VSTM1: variants seen among roughly 807,000 people sequenced by gnomAD.
VSTM1 encodes V-set and transmembrane domain-containing protein 1.
In VSTM1, 27 loss-of-function variants were observed where a neutral mutation model predicts 33.1. That is an observed-to-expected ratio of 0.82 (90% CI 0.60 to 1.12). VSTM1 has a LOEUF of 1.12. Ranked by LOEUF, VSTM1 falls within the 50% of genes most tolerant of loss-of-function variation. The pLI, the probability that VSTM1 is intolerant of heterozygous loss-of-function variation, is 0.00. For missense variants in VSTM1, 304 were observed against 288.9 expected, an observed-to-expected ratio of 1.05 and a Z score of -0.38; for synonymous variants, 115 against 110.3, an observed-to-expected ratio of 1.04 and a Z score of -0.27.
At chr19:54,046,607 C>G (rs2070605051) in intron 4 of VSTM1, among the ~76,000 whole-genome samples, 1 of 151,994 alleles carries the variant, frequency 6.6e-6, no homozygotes, top group South Asian at 2.1e-4. Flanking sequence ...CCCCAGATCC[C>G]TTTCCCATTT....
rs985866792 is a variant in VSTM1, at chr19:54,056,517, G to A, written c.355+1789C>T. Among the ~76,000 whole-genome samples, 4 of 138,944 alleles carry A rather than the reference G, an allele frequency of 2.9e-5. 1 individual carries two copies. The highest frequency in any genetic ancestry group is 1.5e-4 in the Admixed American group (2 of 13,400). The allele number at this position is 138,944 out of a possible 152,430, so 91.2% of individuals were successfully genotyped here. A position where few individuals can be genotyped will look rare whatever the true frequency, so the allele number is the denominator to read the frequency against. ...ATTACAGGCATGAACCACCACACCT[G>A]GCCAACTCTAATCTTGTTCTCCCCA... On this transcript the variant is annotated intron_variant, in intron 3 of 8. Transcript: ENST00000338372.
intron 8 of VSTM1, among the ~76,000 whole-genome samples, chr19:54,041,451 A>G (rs1006682351): frequency 1.3e-5 from 2 of 151,892 alleles, no homozygotes; most frequent in Non-Finnish European, 2.9e-5. Context: ...ACAGGCGCCC[A>G]CTACCACGCC....
At chr19:54,063,058 C>A (rs922830635) in intron 1 of VSTM1, among the ~76,000 whole-genome samples, 3 of 152,172 alleles carry the variant, frequency 2.0e-5, no homozygotes, top group Non-Finnish European at 4.4e-5. Flanking sequence ...CTTCTTGGGG[C>A]CAGGTGTGGT....
At chr19:54,063,076 G>A (rs1300243544) in intron 1 of VSTM1, among the ~76,000 whole-genome samples, 2 of 152,178 alleles carry the variant, frequency 1.3e-5, no homozygotes, top group African/African-American at 4.8e-5. Flanking sequence ...GGTGGCTCAC[G>A]CCTGTAATCC....
rs10693760 is a variant in VSTM1 at position 54,061,016 on chromosome 19, CTTTT to C, written c.35-2288_35-2285del. Among the ~76,000 whole-genome samples the C allele has an allele frequency of 3.1e-4, 36 of 115,044 alleles. 1 individual carries two copies. The highest frequency in any genetic ancestry group is 1.2e-3 in the East Asian group (5 of 4,110). The allele number at this position is 115,044 out of a possible 152,430, so 75.5% of individuals were successfully genotyped here. On this transcript the variant is annotated intron_variant, in intron 1 of 8. Coordinates refer to ENST00000338372, the MANE Select transcript of VSTM1 (RefSeq NM_198481.4). ...CCAATTCCCATATTCTTTTTCTTTTCTTTTTTTTTTTTTTTTTTTGACATGGAGT... is the reference window on the plus strand; with the variant it reads ...CCAATTCCCATATTCTTTTTCTTTTCTTTTTTTTTTTTTTTGACATGGAGT...
At chr19:54,044,553 A>G (rs1568454905) in intron 4 of VSTM1, among the ~76,000 whole-genome samples, 1 of 152,166 alleles carries the variant, frequency 6.6e-6, no homozygotes, top group Non-Finnish European at 1.5e-5. Flanking sequence ...CAAGACTCCA[A>G]CTCAAAAAAG....
At chr19:54,041,658 G>T in intron 8 of VSTM1, 121 bp downstream of exon 8, 1 of 1,154,940 alleles carries the variant, frequency 8.7e-7, no homozygotes. Flanking sequence ...TTCGTGACTT[G>T]TCTAAGACCA....
intron 4 of VSTM1, among the ~76,000 whole-genome samples, chr19:54,045,536 A>G (rs2070532719): frequency 6.6e-6 from 1 of 152,060 alleles, no homozygotes; most frequent in Admixed American, 6.6e-5. Context: ...ATTATCACTT[A>G]TCTATCTACC....
In VSTM1 at chr19:54,040,884, G is replaced by T; in HGVS notation, c.*77C>A. The stretch of plus-strand genomic sequence containing the variant: ...TATGGACGAAGAGCAAGGAAACACA[G>T]TATCTGCATCTCCAGATTTCCGATA... On this transcript the variant is annotated 3_prime_UTR_variant, in exon 9 of 9. Transcript: ENST00000338372. The T allele has an allele frequency of 6.5e-7, 1 of 1,544,656 alleles. No individual in the cohort carries two copies. Among genetic ancestry groups the T allele is most frequent in the African/African-American group, 1.4e-5 (1 of 71,154 alleles).
At chr19:54,050,124 G>A (rs1474805766) in intron 4 of VSTM1, among the ~76,000 whole-genome samples, 2 of 148,080 alleles carry the variant, frequency 1.4e-5, no homozygotes, top group Non-Finnish European at 3.0e-5. Flanking sequence ...TCAGTCACTT[G>A]AGTAGCTGGG....
intron 6 of VSTM1, 92 bp downstream of exon 6, chr19:54,042,077 G>C (rs1172923977): frequency 4.4e-6 from 7 of 1,604,998 alleles, no homozygotes; most frequent in Non-Finnish European, 6.0e-6. Flanking sequence ...GGGCTGGGGT[G>C]GGGGCTCAGG....
chr19:54,043,847 T>C (rs891740754), intron 4 of VSTM1, among the ~76,000 whole-genome samples: 1 of 151,696 alleles, frequency 6.6e-6, no homozygotes, highest in Non-Finnish European at 1.5e-5. Context: ...GGACGGGATG[T>C]GAAGATTATG....
intron 1 of VSTM1, among the ~76,000 whole-genome samples, chr19:54,060,915 A>T (rs2071360629): frequency 6.6e-6 from 1 of 150,620 alleles, no homozygotes; most frequent in African/African-American, 2.4e-5. Context: ...GGTCTCGAAC[A>T]CCTGAGTTCA....
chr19:54,060,454 C>T (rs188836703), intron 1 of VSTM1, among the ~76,000 whole-genome samples: 1 of 152,256 alleles, frequency 6.6e-6, no homozygotes, highest in East Asian at 1.9e-4. Flanking sequence ...GGTGCCGATA[C>T]AGAACGTGAC....
chr19:54,058,112 C>A (rs1328544747), intron 3 of VSTM1, among the ~76,000 whole-genome samples, 194 bp downstream of exon 3: 1 of 151,332 alleles, frequency 6.6e-6, no homozygotes, highest in African/African-American at 2.4e-5. Context: ...TGGTGGCGGG[C>A]GCCTGTAGTC....
chr19:54,047,382 T>A (rs1343657570), intron 4 of VSTM1, among the ~76,000 whole-genome samples: 2 of 151,546 alleles, frequency 1.3e-5, no homozygotes, highest in Non-Finnish European at 2.9e-5. Flanking sequence ...AACCTCCCCC[T>A]CTGGGGTTCA....
intron 3 of VSTM1, among the ~76,000 whole-genome samples, chr19:54,057,962 C>T (rs776386523): frequency 2.6e-5 from 4 of 151,554 alleles, no homozygotes; most frequent in African/African-American, 7.3e-5. Context: ...AAAATTAGGC[C>T]GGGCGCGGTG....
intron 3 of VSTM1, among the ~76,000 whole-genome samples, chr19:54,052,650 G>A (rs1270099496): frequency 2.1e-5 from 3 of 141,976 alleles, no homozygotes; most frequent in Admixed American, 1.4e-4. Flanking sequence ...CAATGGATGT[G>A]CTAATTAATT....
At position 54,056,769 on chromosome 19, in the gene VSTM1, T is replaced by C. The variant is rs575324257; in HGVS notation, c.355+1537A>G. ...ACACCACCCTCCCACATCCACATCATTGGGACCCTCTCAGAATCTCTGATG... is the reference window on the plus strand; with the variant it reads ...ACACCACCCTCCCACATCCACATCACTGGGACCCTCTCAGAATCTCTGATG... On this transcript the variant is annotated intron_variant, in intron 3 of 8. Coordinates refer to ENST00000338372, the MANE Select transcript of VSTM1 (RefSeq NM_198481.4). Among the ~76,000 whole-genome samples the C allele has an allele frequency of 1.4e-5, 2 of 141,798 alleles. 1 individual carries two copies. Among genetic ancestry groups the C allele is most frequent in the South Asian group, 4.7e-4 (2 of 4,260 alleles). 93.0% of individuals were successfully genotyped at this position (141,798 alleles called of 152,430 possible). A position where few individuals can be genotyped will look rare whatever the true frequency, so the allele number is the denominator to read the frequency against.
Sources: allele counts gnomAD v4.1 joint callset (sites outside exome capture counted in the v4.1 genomes callset), GRCh38; gene constraint gnomAD v4.1.1; transcripts MANE v1.5; gene names NCBI Gene and HGNC (gene_info 2026-07-23, HGNC 2026-07-21).